KSR2: variants seen among roughly 807,000 people sequenced by gnomAD.
The protein encoded by KSR2 is kinase suppressor of ras 2.
A neutral mutation model predicts 107.8 loss-of-function variants in KSR2; 25 were observed. The ratio of observed to expected loss-of-function variants is 0.23; its 90% CI spans 0.17 to 0.32. The LOEUF (loss-of-function observed/expected upper bound fraction) is 0.32. Among genes scored for constraint, KSR2 ranks in the 10% least tolerant of loss-of-function variants. The pLI is 1.00. For synonymous variants in KSR2, 480 were observed against 507.0 expected (o/e 0.95, Z 0.71); for missense variants, 887 against 1,268.9 (o/e 0.70, Z 4.57).
intron 1 of KSR2, among the ~76,000 whole-genome samples, chr12:117,869,545 C>A (rs1893584780): frequency 6.6e-6 from 1 of 152,182 alleles, no homozygotes; most frequent in Non-Finnish European, 1.5e-5. Flanking sequence ...ACATACAGAT[C>A]TATTGAAACT....
intron 1 of KSR2, among the ~76,000 whole-genome samples, chr12:117,872,503 G>T (rs1893683749): frequency 6.6e-6 from 1 of 151,800 alleles, no homozygotes; most frequent in East Asian, 1.9e-4. Context: ...GTTCCAGGCT[G>T]CAGTGAGCCA....
At position 117,819,376 on chromosome 12, in the gene KSR2, G is replaced by A. The variant is rs116141518; in HGVS notation, c.472+36052C>T. On this transcript the variant is annotated intron_variant, in intron 3 of 19. Transcript: ENST00000339824. Reference sequence around the variant, plus strand: ...TAAGTGAGGGCATGCCCTAGAGGGCGTCGTAGGTGCCTCAGGGATCCAGAG... The same window carrying A: ...TAAGTGAGGGCATGCCCTAGAGGGCATCGTAGGTGCCTCAGGGATCCAGAG... Among the ~76,000 whole-genome samples the A allele has an allele frequency of 4.2e-3, 635 of 152,358 alleles. 8 individuals are homozygous for A. Among genetic ancestry groups the A allele is most frequent in the African/African-American group, 0.014 (562 of 41,584 alleles).
At chr12:117,552,259 T>C (rs898953644) in intron 9 of KSR2, among the ~76,000 whole-genome samples, 3 of 152,328 alleles carry the variant, frequency 2.0e-5, no homozygotes, top group Non-Finnish European at 2.9e-5. Context: ...ATTTAAATGT[T>C]GATTATTGAA....
At chr12:117,936,537 T>C (rs1199264698) in intron 1 of KSR2, among the ~76,000 whole-genome samples, 1 of 83,560 alleles carries the variant, frequency 1.2e-5, no homozygotes, top group Admixed American at 1.1e-4. Context: ...TTATTATTAG[T>C]AGTAGTAGTA....
chr12:117,792,326 GT>G lies in KSR2; in HGVS notation c.473-30803del, dbSNP rs1890279851. 2.0e-5 allele frequency among the ~76,000 whole-genome samples: 3 copies of G among 151,950 alleles called. No individual in the cohort carries two copies. In the South Asian group the frequency reaches 6.2e-4, roughly 32 times the overall value. On this transcript the variant is annotated intron_variant, in intron 3 of 19. Transcript: ENST00000339824. ...GATCGTGCCATTGCACTCCAGCCTG[GT>G]TGACAGAGTGAGACACTGTCTTTAA...
chr12:117,685,604 G>A (rs1464465399), intron 4 of KSR2, among the ~76,000 whole-genome samples: 2 of 152,216 alleles, frequency 1.3e-5, no homozygotes, highest in East Asian at 3.8e-4. Flanking sequence ...TCCCTCTGGG[G>A]CCAAAGAGTG....
At chr12:117,584,476 G>C (rs897123802) in intron 5 of KSR2, among the ~76,000 whole-genome samples, 5 of 152,132 alleles carry the variant, frequency 3.3e-5, no homozygotes, top group African/African-American at 1.2e-4. Flanking sequence ...TGCTAAATGG[G>C]TTTCATTTCA....
chr12:117,948,739 C>T (rs1387855756), intron 1 of KSR2, among the ~76,000 whole-genome samples: 3 of 152,154 alleles, frequency 2.0e-5, no homozygotes, highest in Non-Finnish European at 2.9e-5. Flanking sequence ...TTTAAACTCA[C>T]ACTATATACC....
chr12:117,592,696 G>C (rs1880398822), intron 5 of KSR2, among the ~76,000 whole-genome samples: 1 of 152,214 alleles, frequency 6.6e-6, no homozygotes, highest in East Asian at 1.9e-4. Flanking sequence ...ATTTATTAAA[G>C]TGCGTCAGGG....
intron 8 of KSR2, among the ~76,000 whole-genome samples, chr12:117,557,265 T>C (rs1202164306): frequency 6.6e-6 from 1 of 152,228 alleles, no homozygotes; most frequent in Non-Finnish European, 1.5e-5. Context: ...TAGGTCCACA[T>C]AGCTGGAGTG....
At chr12:117,798,817 A>C (rs1472813494) in intron 3 of KSR2, among the ~76,000 whole-genome samples, 1 of 152,116 alleles carries the variant, frequency 6.6e-6, no homozygotes, top group East Asian at 1.9e-4. Flanking sequence ...ACAACAGCCC[A>C]AAAGAAGAAA....
At position 117,469,789 on chromosome 12, in the gene KSR2, G is replaced by T; in HGVS notation, c.2719C>A (p.Leu907Ile). Reference protein sequence around the residue: ...IGMGKEISDILLFCWAFEQEE... With the variant: ...IGMGKEISDIILFCWAFEQEE... The stretch of plus-strand genomic sequence containing the variant: ...TGTTCAAAGGCCCAGCAGAAGAGAA[G>T]AATGTCCTAAATGAAACCAATGTGT... Residue 907 changes from leucine (L) to isoleucine (I), a missense_variant, in exon 19 of 20, where the codon CTT becomes ATT. Leu to Ile is a conservative substitution (Grantham distance 5, BLOSUM62 2). Coordinates refer to ENST00000339824, the MANE Select transcript of KSR2 (RefSeq NM_173598.6). 1 of 1,613,806 alleles carries T rather than the reference G, an allele frequency of 6.2e-7. No individual in the cohort carries two copies. The highest frequency in any genetic ancestry group is 8.5e-7 in the Non-Finnish European group (1 of 1,179,828).
At chr12:117,538,888 T>G (rs938973708) in intron 10 of KSR2, among the ~76,000 whole-genome samples, 1 of 152,010 alleles carries the variant, frequency 6.6e-6, no homozygotes, top group African/African-American at 2.4e-5. Flanking sequence ...TATGGCTGAG[T>G]TGGAAGCATT....
At chr12:117,553,616 G>A (rs1032508285) in intron 9 of KSR2, among the ~76,000 whole-genome samples, 5 of 152,206 alleles carry the variant, frequency 3.3e-5, no homozygotes, top group African/African-American at 4.8e-5. Context: ...CACTGATATC[G>A]TTTGGATATT....
intron 4 of KSR2, among the ~76,000 whole-genome samples, chr12:117,710,238 A>G (rs1045660693): frequency 6.6e-6 from 1 of 152,220 alleles, no homozygotes; most frequent in Admixed American, 6.5e-5. Flanking sequence ...AAAGAAAAAA[A>G]AAATGACCAA....
intron 3 of KSR2, among the ~76,000 whole-genome samples, chr12:117,765,686 T>C (rs946225011): frequency 3.9e-5 from 6 of 152,120 alleles, no homozygotes; most frequent in Admixed American, 2.0e-4. Flanking sequence ...ATTTATCATA[T>C]ATGTAGTGAT....
chr12:117,740,476 A>AG, intron 4 of KSR2, among the ~76,000 whole-genome samples: 1 of 114,990 alleles, frequency 8.7e-6, no homozygotes, highest in Non-Finnish European at 1.9e-5. Context: ...TATGTAATAT[A>AG]TAACATATAA....
chr12:117,957,850 T>A (rs964232299), intron 1 of KSR2, among the ~76,000 whole-genome samples: 31 of 111,748 alleles, frequency 2.8e-4, no homozygotes, highest in Non-Finnish European at 3.3e-4. Flanking sequence ...TTTTTTTTTT[T>A]AAACTGAGTC....
chr12:117,682,017 C>G (rs1885383489), intron 4 of KSR2, among the ~76,000 whole-genome samples: 1 of 152,100 alleles, frequency 6.6e-6, no homozygotes, highest in Non-Finnish European at 1.5e-5. Context: ...TGGAATCAAC[C>G]CAAATGCCCA....
Sources: allele counts gnomAD v4.1 joint callset (sites outside exome capture counted in the v4.1 genomes callset), GRCh38; gene constraint gnomAD v4.1.1; transcripts MANE v1.5; gene names NCBI Gene and HGNC (gene_info 2026-07-23, HGNC 2026-07-21).